The following MYT1L variants were observed in gnomAD, a reference collection of about 807,000 sequenced individuals.
MYT1L encodes myelin transcription factor 1-like protein.
A neutral mutation model predicts 126.7 loss-of-function variants in MYT1L; 12 were observed. The ratio of observed to expected loss-of-function variants is 0.09; its 90% CI spans 0.06 to 0.15. MYT1L has a LOEUF of 0.15. Among genes scored for constraint, MYT1L ranks in the 10% least tolerant of loss-of-function variants. MYT1L has a pLI of 1.00. For missense variants in MYT1L, 979 were observed against 1,585.2 expected, an observed-to-expected ratio of 0.62 and a Z score of 6.49; for synonymous variants, 541 against 604.2, an observed-to-expected ratio of 0.90 and a Z score of 1.53.
In MYT1L at chr2:1,801,973, C is replaced by T. The variant is rs534640476; in HGVS notation, c.3173-174G>A. The T allele has an allele frequency of 2.3e-5, 13 of 557,866 alleles. No individual in the cohort carries two copies. Among genetic ancestry groups the T allele is most frequent in the Non-Finnish European group, 4.1e-5 (13 of 319,390 alleles). 34.6% of individuals were successfully genotyped at this position (557,866 alleles called of 1,614,324 possible). A position where few individuals can be genotyped will look rare whatever the true frequency, so the allele number is the denominator to read the frequency against. Reference sequence around the variant, plus strand: ...ATCTCTGTGTCTTTCTATTCCCTACCACCGCCCCTTCCCCACCTAAGTTCC... The same window carrying T: ...ATCTCTGTGTCTTTCTATTCCCTACTACCGCCCCTTCCCCACCTAAGTTCC... On this transcript the variant is annotated intron_variant, in intron 22 of 24. Coordinates refer to ENST00000647738, the MANE Select transcript of MYT1L (RefSeq NM_001303052.2). The surrounding 1 kb of genome is among the most constrained non-coding windows in gnomAD (Gnocchi z 4.2).
At chr2:2,264,670 C>T (rs750731226) in intron 2 of MYT1L, among the ~76,000 whole-genome samples, 52 of 152,188 alleles carry the variant, frequency 3.4e-4, no homozygotes, top group Admixed American at 1.6e-3. Context: ...GGACGCGCCA[C>T]GGTCCCAGCA....
At chr2:2,003,884 C>T (rs1000364391) in intron 4 of MYT1L, among the ~76,000 whole-genome samples, 1 of 152,100 alleles carries the variant, frequency 6.6e-6, no homozygotes, top group African/African-American at 2.4e-5. Context: ...CTTCCTTTTC[C>T]ATCATGAAGC....
chr2:1,832,530 C>G (rs1252982746), intron 21 of MYT1L, among the ~76,000 whole-genome samples: 2 of 152,244 alleles, frequency 1.3e-5, no homozygotes, highest in African/African-American at 4.8e-5. Context: ...CCTGCTCATT[C>G]TGTTTCCTAA....
chr2:1,994,847 A>G (rs1026057894), intron 5 of MYT1L, among the ~76,000 whole-genome samples: 1 of 152,214 alleles, frequency 6.6e-6, no homozygotes. Context: ...AAATTATCTT[A>G]ATGATTTTTC....
At chr2:1,968,179 G>A (rs1367007775) in intron 8 of MYT1L, among the ~76,000 whole-genome samples, 1 of 152,164 alleles carries the variant, frequency 6.6e-6, no homozygotes, top group Non-Finnish European at 1.5e-5. Flanking sequence ...CCCCGTTGAG[G>A]TTGGACTAAA....
chr2:2,016,690 G>A (rs909628336), intron 4 of MYT1L, among the ~76,000 whole-genome samples: 5 of 152,208 alleles, frequency 3.3e-5, no homozygotes, highest in Non-Finnish European at 7.3e-5. Flanking sequence ...AATCAAGAGG[G>A]AGAAAGAAGC....
At position 2,262,399 on chromosome 2, in the gene MYT1L, A is replaced by C. The variant is rs188735575; in HGVS notation, c.-421+22005T>G. 3.2e-3 allele frequency among the ~76,000 whole-genome samples: 486 copies of C among 151,884 alleles called. 6 individuals carry two copies. Among genetic ancestry groups the C allele is most frequent in the African/African-American group, 9.5e-3 (395 of 41,436 alleles). On this transcript the variant is annotated intron_variant, in intron 2 of 24. Coordinates refer to ENST00000647738, the MANE Select transcript of MYT1L (RefSeq NM_001303052.2). ...AACAAACAAACAACAACAAAAAAAA[A>C]CCAAATAATTAGGCAGGGCGCGGTG...
intron 1 of MYT1L, among the ~76,000 whole-genome samples, chr2:2,329,696 G>A (rs1391807441): frequency 1.3e-5 from 2 of 152,110 alleles, no homozygotes; most frequent in Non-Finnish European, 2.9e-5. Context: ...TTTTCAAAGT[G>A]CAATCAAGTA....
At chr2:1,817,291 G>T (rs1417652955) in intron 21 of MYT1L, among the ~76,000 whole-genome samples, 1 of 152,156 alleles carries the variant, frequency 6.6e-6, no homozygotes. Flanking sequence ...GGCCACCGGT[G>T]CAGGGAGGCA....
intron 19 of MYT1L, among the ~76,000 whole-genome samples, chr2:1,847,230 G>C (rs1370874360): frequency 1.3e-5 from 2 of 152,182 alleles, no homozygotes; most frequent in African/African-American, 4.8e-5. Context: ...TAATCTCATA[G>C]GATGGTGAGA....
chr2:2,057,001 T>A (rs1482192920), intron 3 of MYT1L, among the ~76,000 whole-genome samples: 1 of 152,108 alleles, frequency 6.6e-6, no homozygotes, highest in Non-Finnish European at 1.5e-5. Context: ...AATACAGAGA[T>A]CCCATGCACC....
intron 3 of MYT1L, among the ~76,000 whole-genome samples, chr2:2,116,462 G>A (rs1424691556): frequency 6.6e-6 from 1 of 152,194 alleles, no homozygotes; most frequent in Non-Finnish European, 1.5e-5. Flanking sequence ...TTGGAATCAT[G>A]AGCAAACAAA....
intron 20 of MYT1L, among the ~76,000 whole-genome samples, chr2:1,840,531 T>C (rs575658499): frequency 6.6e-6 from 1 of 152,090 alleles, no homozygotes; most frequent in Non-Finnish European, 1.5e-5. Context: ...GAACCTCAGA[T>C]TGATGGATAT....
At chr2:2,219,725 G>A (rs560366610) in intron 2 of MYT1L, among the ~76,000 whole-genome samples, 25 of 152,288 alleles carry the variant, frequency 1.6e-4, no homozygotes, top group African/African-American at 5.8e-4. Flanking sequence ...GGACAAATAC[G>A]GAATGTGAGG....
At chr2:2,170,957 T>C (rs1309024715) in intron 3 of MYT1L, among the ~76,000 whole-genome samples, 2 of 152,170 alleles carry the variant, frequency 1.3e-5, no homozygotes, top group African/African-American at 2.4e-5. Context: ...ATGCAAGCAC[T>C]GGTTGTGCGT....
intron 3 of MYT1L, among the ~76,000 whole-genome samples, chr2:2,145,108 C>T (rs902438994): frequency 1.3e-5 from 2 of 152,164 alleles, no homozygotes; most frequent in Non-Finnish European, 2.9e-5. Context: ...ACCTGTGAGA[C>T]GTCTTTCAGG....
At chr2:1,934,195 C>A (rs528904440) in intron 9 of MYT1L, among the ~76,000 whole-genome samples, 1 of 151,036 alleles carries the variant, frequency 6.6e-6, no homozygotes, top group African/African-American at 2.4e-5. Context: ...AGGATGGTCT[C>A]GATCTCCTGA....
At chr2:1,976,727 C>CTAG (rs1365800002) in intron 8 of MYT1L, among the ~76,000 whole-genome samples, 2 of 152,190 alleles carry the variant, frequency 1.3e-5, no homozygotes, top group African/African-American at 4.8e-5. Context: ...ATCCATGAGT[C>CTAG]TTACCTAATA....
intron 2 of MYT1L, among the ~76,000 whole-genome samples, chr2:2,208,853 T>C (rs1026844034): frequency 2.0e-5 from 3 of 152,228 alleles, no homozygotes; most frequent in Admixed American, 6.5e-5. Context: ...AGTAAACCTA[T>C]ACATTGGTTA....
Sources: allele counts gnomAD v4.1 joint callset (sites outside exome capture counted in the v4.1 genomes callset), GRCh38; gene constraint gnomAD v4.1.1; non-coding constraint Gnocchi (gnomAD v3.1); transcripts MANE v1.5; gene names NCBI Gene and HGNC (gene_info 2026-07-23, HGNC 2026-07-21).